Variants in GRM8 observed in about 807,000 individuals in gnomAD.
GRM8 encodes the protein metabotropic glutamate receptor 8.
A neutral mutation model predicts 87.2 loss-of-function variants in GRM8; 47 were observed. That is an observed-to-expected ratio of 0.54 (90% CI 0.43 to 0.69). GRM8 has a LOEUF of 0.69. GRM8 is among the 30% of genes least tolerant of loss of function. The pLI, the probability that GRM8 is intolerant of heterozygous loss-of-function variation, is 0.00. For synonymous variants in GRM8, 396 were observed against 404.5 expected (o/e 0.98, Z 0.25); for missense variants, 1,019 against 1,139.2 (o/e 0.89, Z 1.52).
At chr7:126,867,218 TAAGAACTAA>T (rs1798677647) in intron 6 of GRM8, among the ~76,000 whole-genome samples, 1 of 152,198 alleles carries the variant, frequency 6.6e-6, no homozygotes, top group South Asian at 2.1e-4. Context: ...GCTGTCCCAC[TAAGAACTAA>T]ACAGGTCAGC....
chr7:126,524,550 G>A (rs183929244), intron 9 of GRM8, among the ~76,000 whole-genome samples: 3 of 152,044 alleles, frequency 2.0e-5, no homozygotes, highest in African/African-American at 4.8e-5. Context: ...TCTTTCTTCA[G>A]TTGTGAAATC....
intron 3 of GRM8, among the ~76,000 whole-genome samples, chr7:126,949,709 T>C (rs765371583): frequency 2.6e-5 from 4 of 152,158 alleles, no homozygotes; most frequent in Admixed American, 2.0e-4. Context: ...GAAATTTTCT[T>C]ATGTCTCAGC....
At chr7:126,692,399 G>C (rs1431119572) in intron 7 of GRM8, among the ~76,000 whole-genome samples, 1 of 152,222 alleles carries the variant, frequency 6.6e-6, no homozygotes, top group Non-Finnish European at 1.5e-5. Flanking sequence ...GAGTCCCAAA[G>C]TACTCTAAGT....
rs772290644 is a variant in GRM8, at chr7:126,446,351, G to C, written c.2452C>G (p.Leu818Val). 1 of 1,606,148 alleles carries C rather than the reference G, an allele frequency of 6.2e-7. No individual in the cohort carries two copies. Among genetic ancestry groups the C allele is most frequent in the Non-Finnish European group, 8.5e-7 (1 of 1,174,186 alleles). ...GCACTTAAACTCATGGAGACAGTAA[G>C]TGTTGTTGTCTGGATGTACATCTGA... ...AEKMYIQTTT[L>V]TVSMSLSASV... Residue 818 changes from leucine to valine, a missense_variant, in exon 10 of 11, where the codon CTT (leucine) becomes GTT (valine). By Grantham distance (32) the Leu-to-Val change is conservative. Coordinates refer to ENST00000339582, the MANE Select transcript of GRM8 (RefSeq NM_000845.3).
chr7:126,826,172 A>G (rs902995756), intron 6 of GRM8, among the ~76,000 whole-genome samples: 2 of 152,122 alleles, frequency 1.3e-5, no homozygotes, highest in Non-Finnish European at 1.5e-5. Flanking sequence ...ATAGTGCCAC[A>G]ATAAACATAC....
chr7:126,828,253 T>G (rs1795013843), intron 6 of GRM8, among the ~76,000 whole-genome samples: 1 of 152,228 alleles, frequency 6.6e-6, no homozygotes, highest in Non-Finnish European at 1.5e-5. Context: ...GATTCCCTCT[T>G]TTTCTATTGA....
chr7:126,588,448 C>A (rs1238687082), intron 8 of GRM8, among the ~76,000 whole-genome samples: 1 of 152,222 alleles, frequency 6.6e-6, no homozygotes, highest in Non-Finnish European at 1.5e-5. Flanking sequence ...AATCTCATTA[C>A]TGGACATATG....
chr7:126,608,513 C>T (rs1448704962), intron 8 of GRM8, among the ~76,000 whole-genome samples: 2 of 152,136 alleles, frequency 1.3e-5, no homozygotes, highest in Admixed American at 1.3e-4. Flanking sequence ...CTTCAAGTCG[C>T]CCTCACATGG....
intron 6 of GRM8, among the ~76,000 whole-genome samples, chr7:126,841,211 G>T (rs887201352): frequency 6.6e-6 from 1 of 152,206 alleles, no homozygotes; most frequent in African/African-American, 2.4e-5. Context: ...TGTGGGTCAA[G>T]AATTCAGGAA....
chr7:127,152,217 G>C (rs1392044306), intron 2 of GRM8, among the ~76,000 whole-genome samples: 1 of 152,044 alleles, frequency 6.6e-6, no homozygotes, highest in Non-Finnish European at 1.5e-5. Context: ...GAGTAAACTT[G>C]AGCAAGTTCA....
chr7:126,460,603 T>C (rs1803789710), intron 9 of GRM8, among the ~76,000 whole-genome samples: 1 of 151,568 alleles, frequency 6.6e-6, no homozygotes, highest in South Asian at 2.1e-4. Context: ...GCTTAGTTGT[T>C]GCACAATCTT....
rs77891593 is a variant in GRM8 at position 127,185,273 on chromosome 7, A to C, written c.510+57422T>G. 5.3e-5 allele frequency among the ~76,000 whole-genome samples: 8 copies of C among 152,248 alleles called. 1 individual carries two copies. The East Asian group carries it at 9.7e-4, about 18-fold the overall frequency. ...AAAGAATAGACATATATTACTAGAT[A>C]AATGGAACAGAATACTGAGCTCAGA... On this transcript the variant is annotated intron_variant, in intron 2 of 10. Coordinates refer to ENST00000339582, the MANE Select transcript of GRM8 (RefSeq NM_000845.3).
chr7:126,536,304 T>C (rs973135239), intron 8 of GRM8, among the ~76,000 whole-genome samples: 9 of 152,228 alleles, frequency 5.9e-5, no homozygotes, highest in Non-Finnish European at 1.0e-4. Context: ...AATGCTTTCC[T>C]TTCTTGAATC....
chr7:127,151,937 AAG>A (rs1260919629), intron 2 of GRM8, among the ~76,000 whole-genome samples: 1 of 151,744 alleles, frequency 6.6e-6, no homozygotes, highest in East Asian at 1.9e-4. Context: ...AGATTAAAAA[AAG>A]AAGTTAATAT....
intron 9 of GRM8, among the ~76,000 whole-genome samples, chr7:126,523,640 G>A (rs181067664): frequency 2.0e-4 from 31 of 152,106 alleles, no homozygotes; most frequent in African/African-American, 7.2e-4. Flanking sequence ...TGGGATTACA[G>A]GCACCTGCAA....
chr7:126,993,469 C>T (rs1269668291), intron 3 of GRM8, among the ~76,000 whole-genome samples: 1 of 152,162 alleles, frequency 6.6e-6, no homozygotes, highest in Non-Finnish European at 1.5e-5. Context: ...CTAAAAGGAA[C>T]ACCACATTTT....
chr7:126,634,077 T>C (rs1052428504), intron 7 of GRM8, among the ~76,000 whole-genome samples: 1 of 152,156 alleles, frequency 6.6e-6, no homozygotes, highest in Non-Finnish European at 1.5e-5. Context: ...ATAAATTTCT[T>C]GGCTTCATTT....
intron 2 of GRM8, among the ~76,000 whole-genome samples, chr7:127,230,747 G>A (rs369567617): frequency 2.0e-5 from 3 of 152,042 alleles, no homozygotes; most frequent in Non-Finnish European, 4.4e-5. Flanking sequence ...TATAAACCAG[G>A]GAGAGGGCCT....
intron 2 of GRM8, among the ~76,000 whole-genome samples, chr7:127,176,126 T>C (rs1188848217): frequency 2.0e-5 from 3 of 152,282 alleles, no homozygotes; most frequent in East Asian, 1.9e-4. Context: ...AAGCTGGATA[T>C]AGACAAGTTA....
Sources: gnomAD v4.1 joint callset for allele counts (sites outside exome capture counted in the v4.1 genomes callset) on GRCh38, gnomAD v4.1.1 for gene constraint, MANE v1.5 for transcripts, NCBI Gene and HGNC (gene_info 2026-07-23, HGNC 2026-07-21) for gene names.